The following FRMD3 variants were observed in gnomAD, a reference collection of about 807,000 sequenced individuals.
FRMD3 encodes FERM domain-containing protein 3.
In FRMD3, 33 loss-of-function variants were observed where a neutral mutation model predicts 70.2. That is an observed-to-expected ratio of 0.47 (90% CI 0.36 to 0.63). FRMD3 has a LOEUF of 0.63. Among genes scored for constraint, FRMD3 ranks in the 20% least tolerant of loss-of-function variants. The pLI is 0.00. For synonymous variants in FRMD3, 279 were observed against 255.9 expected, an observed-to-expected ratio of 1.09 and a Z score of -0.86; for missense variants, 632 against 711.4, an observed-to-expected ratio of 0.89 and a Z score of 1.27.
At chr9:83,365,532 T>C (rs1203705267) in intron 3 of FRMD3, among the ~76,000 whole-genome samples, 1 of 152,090 alleles carries the variant, frequency 6.6e-6, no homozygotes, top group African/African-American at 2.4e-5. Context: ...AAGGCATTCG[T>C]TGTGCATAGG....
At chr9:83,527,017 T>C (rs764033683) in intron 1 of FRMD3, among the ~76,000 whole-genome samples, 11 of 152,174 alleles carry the variant, frequency 7.2e-5, no homozygotes, top group Non-Finnish European at 1.5e-4. Flanking sequence ...TCCAGGGTCA[T>C]TGTCCCTCAG....
At chr9:83,494,572 C>A (rs1049223058) in intron 1 of FRMD3, among the ~76,000 whole-genome samples, 16 of 152,050 alleles carry the variant, frequency 1.1e-4, no homozygotes, top group African/African-American at 3.9e-4. Flanking sequence ...ATTTTCTTTA[C>A]AATAGTGACA....
intron 1 of FRMD3, among the ~76,000 whole-genome samples, chr9:83,450,370 T>A (rs370841414): frequency 8.4e-4 from 101 of 120,750 alleles, no homozygotes; most frequent in South Asian, 3.8e-3. Flanking sequence ...TTTTTTTTTT[T>A]ATTATACTCT....
chr9:83,483,022 G>T (rs1828605082), intron 1 of FRMD3, among the ~76,000 whole-genome samples: 1 of 152,172 alleles, frequency 6.6e-6, no homozygotes, highest in Admixed American at 6.5e-5. Context: ...TCTGGTTCTG[G>T]GGTGTGGGTT....
intron 6 of FRMD3, among the ~76,000 whole-genome samples, chr9:83,330,107 A>G (rs918456778): frequency 3.9e-5 from 6 of 152,146 alleles, no homozygotes; most frequent in Non-Finnish European, 8.8e-5. Context: ...GCTCACACCT[A>G]TAATCCCAGC....
chr9:83,290,519 C>T, intron 13 of FRMD3, 84 bp downstream of exon 13: 1 of 1,462,382 alleles, frequency 6.8e-7, no homozygotes, highest in Non-Finnish European at 9.6e-7. Flanking sequence ...ATCAATTACC[C>T]ATCATATGCA....
chr9:83,570,680 A>G, the FRMD3 span, among the ~76,000 whole-genome samples: 12 of 152,322 alleles, frequency 7.9e-5, no homozygotes, highest in East Asian at 2.3e-3. Flanking sequence ...TAACTCTGAG[A>G]GTATTGAGAA....
At chr9:83,536,966 A>G (rs1188666039) in intron 1 of FRMD3, among the ~76,000 whole-genome samples, 1 of 148,498 alleles carries the variant, frequency 6.7e-6, no homozygotes, top group African/African-American at 2.5e-5. Flanking sequence ...TCAGTCCCAG[A>G]GCCTCAAGAC....
intron 1 of FRMD3, among the ~76,000 whole-genome samples, chr9:83,465,459 C>T (rs528092808): frequency 2.6e-5 from 4 of 152,188 alleles, no homozygotes; most frequent in Non-Finnish European, 5.9e-5. Context: ...AAACTCCAGT[C>T]CCCCTTCTTT....
At position 83,245,993 on chromosome 9, in the gene FRMD3, T is replaced by C. The variant is rs918981676; in HGVS notation, c.*1925A>G. On this transcript the variant is annotated 3_prime_UTR_variant, in exon 14 of 14. Transcript: ENST00000304195. The stretch of plus-strand genomic sequence containing the variant: ...AGCAAAATAAATCACTGAAAGCATA[T>C]AGGAAAGGAAACCCCTCAAACTTAA... 1.0e-6 allele frequency: 1 copy of C among 984,682 alleles called. No homozygotes were observed. The allele number at this position is 984,682 out of a possible 1,614,324, so 61.0% of individuals were successfully genotyped here.
intron 1 of FRMD3, among the ~76,000 whole-genome samples, chr9:83,447,315 G>A (rs557677847): frequency 3.3e-5 from 5 of 152,262 alleles, no homozygotes; most frequent in South Asian, 4.1e-4. Flanking sequence ...GAGCCACCGC[G>A]CCCGGCCAGA....
chr9:83,252,034 A>G (rs1368086855), intron 13 of FRMD3, among the ~76,000 whole-genome samples: 1 of 152,134 alleles, frequency 6.6e-6, no homozygotes, highest in East Asian at 1.9e-4. Flanking sequence ...ACCCCAGTAC[A>G]TTACTCCACA....
chr9:83,535,673 G>A (rs1330188552), intron 1 of FRMD3, among the ~76,000 whole-genome samples: 1 of 151,778 alleles, frequency 6.6e-6, no homozygotes, highest in Non-Finnish European at 1.5e-5. Context: ...TTTATGTGTG[G>A]CCCAAGACAA....
Position 83,244,707 on chromosome 9 carries a change from T to G in FRMD3, c.*3211A>C. On this transcript the variant is annotated 3_prime_UTR_variant, in exon 14 of 14. Coordinates refer to ENST00000304195, the MANE Select transcript of FRMD3 (RefSeq NM_174938.6). ...TGGATGTTGACATAGAAATGCAAAT[T>G]TCACTATACAAAGGTAAGGCTCCAA... 1 of 984,982 alleles carries G rather than the reference T, an allele frequency of 1.0e-6. No individual in the cohort carries two copies. Among genetic ancestry groups the G allele is most frequent in the Non-Finnish European group, 1.2e-6 (1 of 829,590 alleles). The allele number at this position is 984,982 out of a possible 1,614,324, so 61.0% of individuals were successfully genotyped here.
At position 83,537,384 on chromosome 9, in the gene FRMD3, G is replaced by A. The variant is rs1296807472; in HGVS notation, c.147+701C>T. On this transcript the variant is annotated intron_variant, in intron 1 of 13. Coordinates refer to ENST00000304195, the MANE Select transcript of FRMD3 (RefSeq NM_174938.6). The surrounding 1 kb of genome is among the most constrained non-coding windows in gnomAD (Gnocchi z 4.1). ...GTTCCTGCAGGGCTCCCCACTTGCT[G>A]GCCTCACAATCCCTTTTCCTTTCTC... is the stretch of plus-strand genomic sequence containing the variant. Among the ~76,000 whole-genome samples the A allele has an allele frequency of 6.6e-6, 1 of 152,156 alleles. No homozygotes were observed. The highest frequency in any genetic ancestry group is 1.5e-5 in the Non-Finnish European group (1 of 68,030).
the FRMD3 span, among the ~76,000 whole-genome samples, chr9:83,551,789 T>C: frequency 2.0e-5 from 3 of 152,158 alleles, no homozygotes; most frequent in African/African-American, 7.2e-5. Flanking sequence ...TTTCTGAGGG[T>C]TGTTTTTATT....
intron 1 of FRMD3, among the ~76,000 whole-genome samples, chr9:83,482,096 T>C (rs567507766): frequency 6.6e-6 from 1 of 152,300 alleles, no homozygotes; most frequent in South Asian, 2.1e-4. Context: ...CTTTTATGGC[T>C]CTTTGCTGTC....
chr9:83,409,753 A>G (rs903016264), intron 1 of FRMD3, among the ~76,000 whole-genome samples: 8 of 152,226 alleles, frequency 5.3e-5, no homozygotes, highest in African/African-American at 1.9e-4. Context: ...TCAAGCAACA[A>G]ATAAGAGCTG....
chr9:83,484,862 A>G (rs1398406185), intron 1 of FRMD3, among the ~76,000 whole-genome samples: 1 of 152,272 alleles, frequency 6.6e-6, no homozygotes, highest in African/African-American at 2.4e-5. Context: ...GAAACAATAT[A>G]GAGAAACACT....
Sources: gnomAD v4.1 joint callset for allele counts (sites outside exome capture counted in the v4.1 genomes callset) on GRCh38, gnomAD v4.1.1 for gene constraint, Gnocchi (gnomAD v3.1) non-coding constraint, MANE v1.5 for transcripts, NCBI Gene and HGNC (gene_info 2026-07-23, HGNC 2026-07-21) for gene names.